AIG1: variants seen among roughly 807,000 people sequenced by gnomAD.
The protein encoded by AIG1 is androgen induced 1.
AIG1 carries 23 observed loss-of-function variants against 31.4 expected under a neutral mutation model. The observed-to-expected ratio is 0.73, with a 90% CI of 0.53 to 1.04. The LOEUF (loss-of-function observed/expected upper bound fraction) is 1.04. Ranked by LOEUF, AIG1 falls within the 50% of genes least tolerant of loss-of-function variation. The pLI, the probability that AIG1 is intolerant of heterozygous loss-of-function variation, is 0.00. For missense variants in AIG1, 274 were observed against 295.0 expected, an observed-to-expected ratio of 0.93 and a Z score of 0.52; for synonymous variants, 100 against 110.5, an observed-to-expected ratio of 0.90 and a Z score of 0.60.
intron 4 of AIG1, among the ~76,000 whole-genome samples, chr6:143,314,724 C>T (rs7766829): frequency 0.73 from 110,865 of 152,054 alleles, 42,136 homozygotes; most frequent in East Asian, 1. Context: ...TGTTAAGATA[C>T]CAGTTCTTCT....
intron 3 of AIG1, among the ~76,000 whole-genome samples, chr6:143,171,168 G>T (rs912470348): frequency 2.0e-5 from 3 of 151,416 alleles, no homozygotes; most frequent in Non-Finnish European, 4.4e-5. Context: ...TAGTCAAATT[G>T]TAGTCTTTTA....
chr6:143,223,609 A>T (rs1487019060), intron 3 of AIG1, among the ~76,000 whole-genome samples: 2 of 152,202 alleles, frequency 1.3e-5, no homozygotes, highest in South Asian at 2.1e-4. Context: ...CAGGGTCTGA[A>T]TTATATTTGT....
In AIG1 at chr6:143,279,054, A is replaced by C. The variant is rs1291216170; in HGVS notation, c.400-5056A>C. Among the ~76,000 whole-genome samples the C allele has an allele frequency of 6.6e-6, 1 of 152,184 alleles. No individual in the cohort carries two copies. The highest frequency in any genetic ancestry group is 2.4e-5 in the African/African-American group (1 of 41,448). The stretch of plus-strand genomic sequence containing the variant: ...CACAGTATGGCTTTTGTAGATTTTA[A>C]GCACTTTGTGTTAGTGAGTCCCTTC... On this transcript the variant is annotated intron_variant, in intron 3 of 5. Transcript: ENST00000357847. The surrounding 1 kb of genome is among the most constrained non-coding windows in gnomAD (Gnocchi z 5.4).
intron 3 of AIG1, among the ~76,000 whole-genome samples, chr6:143,173,585 C>T (rs913834118): frequency 6.6e-6 from 1 of 152,118 alleles, no homozygotes; most frequent in Admixed American, 6.6e-5. Context: ...TAGGTTGTGT[C>T]ACTATTATTG....
chr6:143,270,378 A>C (rs1442075005), intron 3 of AIG1, among the ~76,000 whole-genome samples: 1 of 152,260 alleles, frequency 6.6e-6, no homozygotes, highest in Non-Finnish European at 1.5e-5. Flanking sequence ...ATTTGATGTA[A>C]CAGAAATGTT....
intron 4 of AIG1, among the ~76,000 whole-genome samples, chr6:143,285,292 G>T (rs1046415336): frequency 2.0e-5 from 3 of 151,272 alleles, no homozygotes; most frequent in African/African-American, 7.3e-5. Flanking sequence ...GATATAAGGG[G>T]ACATCCAGAG....
downstream of AIG1, among the ~76,000 whole-genome samples, chr6:143,342,001 C>T (rs1777866375): frequency 6.6e-6 from 1 of 152,232 alleles, no homozygotes. Flanking sequence ...TCTCAGCTCC[C>T]TGCAATCTCC....
chr6:143,326,288 A>G lies in AIG1; in HGVS notation c.516-6994A>G, dbSNP rs1319921272. On this transcript the variant is annotated intron_variant, in intron 4 of 5. Coordinates refer to ENST00000357847, the MANE Select transcript of AIG1 (RefSeq NM_016108.4). The surrounding 1 kb of genome is among the most constrained non-coding windows in gnomAD (Gnocchi z 4.5). ...TCCTTCTGCCCTCTCTTCCTTGATC[A>G]CAACAAAAGTGTTCTCTTCTTGAAC... Among the ~76,000 whole-genome samples, 3 of 152,186 alleles carry G rather than the reference A, an allele frequency of 2.0e-5. No homozygotes were observed. The highest frequency in any genetic ancestry group is 2.9e-5 in the Non-Finnish European group (2 of 68,034).
intron 4 of AIG1, among the ~76,000 whole-genome samples, chr6:143,332,521 CA>C (rs1309488605): frequency 2.6e-5 from 4 of 152,138 alleles, no homozygotes; most frequent in Admixed American, 1.3e-4. Context: ...AAAATGAAAT[CA>C]ATGTCACATC....
At chr6:143,235,713 C>T (rs748688309) in intron 3 of AIG1, among the ~76,000 whole-genome samples, 5 of 152,264 alleles carry the variant, frequency 3.3e-5, no homozygotes, top group South Asian at 2.1e-4. Flanking sequence ...TTAGGTTTTA[C>T]GTGACATGGA....
rs1312030343 is a variant in AIG1 at position 143,325,012 on chromosome 6, C to A, written c.516-8270C>A. Among the ~76,000 whole-genome samples the A allele has an allele frequency of 6.6e-6, 1 of 152,126 alleles. No homozygotes were observed. The highest frequency in any genetic ancestry group is 2.4e-5 in the African/African-American group (1 of 41,416). Reference sequence around the variant, plus strand: ...TTCAACTGACTATATATCATTTATACCCAGTCAACATCCAAAGTAGATTCG... The same window carrying A: ...TTCAACTGACTATATATCATTTATAACCAGTCAACATCCAAAGTAGATTCG... On this transcript the variant is annotated intron_variant, in intron 4 of 5. Transcript: ENST00000357847. This position sits in a 1 kb window ranked among gnomAD's most constrained non-coding sequence, Gnocchi z 4.3.
At chr6:143,106,218 A>T (rs1780789703) in intron 1 of AIG1, among the ~76,000 whole-genome samples, 2 of 152,150 alleles carry the variant, frequency 1.3e-5, no homozygotes, top group African/African-American at 4.8e-5. Context: ...TGTGAGCATG[A>T]CGGCAGAGAT....
At chr6:143,336,705 C>A (rs988318933) in intron 5 of AIG1, among the ~76,000 whole-genome samples, 3 of 152,138 alleles carry the variant, frequency 2.0e-5, no homozygotes, top group Admixed American at 2.0e-4. Context: ...CAACCCCAAA[C>A]GTCTTTCAGA....
intron 3 of AIG1, among the ~76,000 whole-genome samples, chr6:143,260,608 TTGAC>T (rs1427462428): frequency 6.6e-6 from 1 of 152,194 alleles, no homozygotes; most frequent in East Asian, 1.9e-4. Flanking sequence ...AACACAAACA[TTGAC>T]TGAGCACTTA....
At chr6:143,236,743 C>T (rs1388025971) in intron 3 of AIG1, among the ~76,000 whole-genome samples, 3 of 152,160 alleles carry the variant, frequency 2.0e-5, no homozygotes, top group South Asian at 2.1e-4. Flanking sequence ...CAAAAAACGC[C>T]ACCCCCCAAC....
intron 3 of AIG1, among the ~76,000 whole-genome samples, chr6:143,174,524 C>T (rs1161999161): frequency 1.3e-5 from 2 of 151,304 alleles, no homozygotes; most frequent in South Asian, 2.1e-4. Flanking sequence ...GCTACTCCTG[C>T]TCACTTTTAG....
At chr6:143,147,257 G>A (rs1270017120) in intron 2 of AIG1, among the ~76,000 whole-genome samples, 1 of 152,154 alleles carries the variant, frequency 6.6e-6, no homozygotes, top group African/African-American at 2.4e-5. Context: ...GCCTTGGTCT[G>A]CTTTTGTGCT....
In AIG1 at chr6:143,330,970, TTCTAACAGAA is replaced by T. The variant is rs1777026863; in HGVS notation, c.516-2308_516-2299del. ...CGGATTCTCACAACTGCTTCAGCTT[TTCTAACAGAA>T]TCTTTGGACTAACATGGCCTCTTTT... On this transcript the variant is annotated intron_variant, in intron 4 of 5. Coordinates refer to ENST00000357847, the MANE Select transcript of AIG1 (RefSeq NM_016108.4). This position sits in a 1 kb window ranked among gnomAD's most constrained non-coding sequence, Gnocchi z 4.4. 6.6e-6 allele frequency among the ~76,000 whole-genome samples: 1 copy of T among 152,208 alleles called. No individual in the cohort carries two copies. The highest frequency in any genetic ancestry group is 1.5e-5 in the Non-Finnish European group (1 of 68,044).
chr6:143,122,995 C>T (rs1727995788), intron 1 of AIG1, among the ~76,000 whole-genome samples: 1 of 152,134 alleles, frequency 6.6e-6, no homozygotes, highest in African/African-American at 2.4e-5. Context: ...CTTACAAACC[C>T]TCAGACCCAT....
Sources: allele counts gnomAD v4.1 joint callset (sites outside exome capture counted in the v4.1 genomes callset), GRCh38; gene constraint gnomAD v4.1.1; non-coding constraint Gnocchi (gnomAD v3.1); transcripts MANE v1.5; gene names NCBI Gene and HGNC (gene_info 2026-07-23, HGNC 2026-07-21).